METTL8: variants seen among roughly 807,000 people sequenced by gnomAD.
The protein encoded by METTL8 is tRNA N(3)-cytidine methyltransferase METTL8, mitochondrial.
In METTL8, 32 loss-of-function variants were observed where a neutral mutation model predicts 48.7. The ratio of observed to expected loss-of-function variants is 0.66; its 90% CI spans 0.50 to 0.88. The LOEUF is 0.88. Among genes scored for constraint, METTL8 ranks in the 40% least tolerant of loss-of-function variants. METTL8 has a pLI of 0.00. For synonymous variants in METTL8, 136 were observed against 157.1 expected, an observed-to-expected ratio of 0.87 and a Z score of 1.01; for missense variants, 464 against 474.4, an observed-to-expected ratio of 0.98 and a Z score of 0.20.
intron 1 of METTL8, among the ~76,000 whole-genome samples, chr2:171,415,930 T>A (rs1469993185): frequency 6.6e-6 from 1 of 152,060 alleles, no homozygotes; most frequent in Non-Finnish European, 1.5e-5. Context: ...CTGATTAAGG[T>A]GGAGCAAAGA....
intron 1 of METTL8, among the ~76,000 whole-genome samples, chr2:171,414,154 A>G (rs1691037774): frequency 6.6e-6 from 1 of 152,206 alleles, no homozygotes; most frequent in South Asian, 2.1e-4. Flanking sequence ...ACAGTGGCTC[A>G]TCCCTGTAAT....
chr2:171,354,319 G>A (rs1218020708), intron 3 of METTL8, among the ~76,000 whole-genome samples: 1 of 152,134 alleles, frequency 6.6e-6, no homozygotes, highest in Non-Finnish European at 1.5e-5. Context: ...AGTTTCTGCC[G>A]AGAGATCCGC....
intron 2 of METTL8, among the ~76,000 whole-genome samples, chr2:171,383,273 G>A (rs1378732327): frequency 6.6e-6 from 1 of 152,030 alleles, no homozygotes; most frequent in Non-Finnish European, 1.5e-5. Context: ...ATTTAAGTGG[G>A]TTACATAATA....
chr2:171,386,861 C>G (rs920371769), intron 2 of METTL8, among the ~76,000 whole-genome samples: 1 of 152,116 alleles, frequency 6.6e-6, no homozygotes, highest in Non-Finnish European at 1.5e-5. Context: ...CAGGCAGACA[C>G]ACAGGTGGCT....
At chr2:171,369,838 C>A (rs531226216) in intron 2 of METTL8, among the ~76,000 whole-genome samples, 1 of 151,876 alleles carries the variant, frequency 6.6e-6, no homozygotes, top group South Asian at 2.1e-4. Flanking sequence ...GAGGCCAAGG[C>A]GGGCGGATCA....
intron 3 of METTL8, 55 bp downstream of exon 3, chr2:171,360,367 G>T: frequency 6.9e-7 from 1 of 1,449,982 alleles, no homozygotes; most frequent in Non-Finnish European, 9.6e-7. Flanking sequence ...GACACGAGGA[G>T]GAGGAAAAGT....
intron 3 of METTL8, among the ~76,000 whole-genome samples, chr2:171,358,647 A>AT (rs1684840829): frequency 1.3e-5 from 2 of 152,208 alleles, no homozygotes; most frequent in Non-Finnish European, 2.9e-5. Flanking sequence ...TACTATATAT[A>AT]AAAATCAAAT....
intron 1 of METTL8, among the ~76,000 whole-genome samples, chr2:171,418,361 C>T (rs1352728890): frequency 6.6e-6 from 1 of 152,170 alleles, no homozygotes; most frequent in Non-Finnish European, 1.5e-5. Context: ...TTTCTCCCCA[C>T]TGTTAAGGTA....
intron 2 of METTL8, among the ~76,000 whole-genome samples, chr2:171,366,340 C>T (rs924161653): frequency 1.3e-5 from 2 of 152,126 alleles, no homozygotes; most frequent in Non-Finnish European, 2.9e-5. Context: ...TCAAAATAGT[C>T]CCACCCAAAC....
rs182802972 is a variant in METTL8, at chr2:171,328,732, C to A, written c.860+1827G>T. ...TTTGAGACGGAGTCTCTGTCTTGCC[C>A]AGGCTGGAGTGCAGTGGCATGATCT... On this transcript the variant is annotated intron_variant, in intron 7 of 9. Transcript: ENST00000375258. Among the ~76,000 whole-genome samples, 7 of 152,276 alleles carry A rather than the reference C, an allele frequency of 4.6e-5. No individual in the cohort carries two copies. The East Asian group carries it at 5.8e-4, about 13-fold the overall frequency.
intron 2 of METTL8, among the ~76,000 whole-genome samples, chr2:171,386,158 C>G (rs1211354616): frequency 6.6e-6 from 1 of 152,136 alleles, no homozygotes; most frequent in East Asian, 1.9e-4. Flanking sequence ...GGCAAGAGAG[C>G]AGGTGGTAGC....
Position 171,322,981 on chromosome 2 carries a change from A to T in METTL8, c.*1191T>A, listed in dbSNP as rs1684607159. On this transcript the variant is annotated 3_prime_UTR_variant, in exon 10 of 10. Coordinates refer to ENST00000375258, the MANE Select transcript of METTL8 (RefSeq NM_001321154.2). ...GTAGCAGTGAGGACAGCCAGAGGAC[A>T]CTCTCATTGCCATCTTGGTTTTGGT... is the stretch of plus-strand genomic sequence containing the variant. The T allele has an allele frequency of 6.6e-6, 1 of 151,894 alleles. No homozygotes were observed. The highest frequency in any genetic ancestry group is 2.4e-5 in the African/African-American group (1 of 41,344). The allele number at this position is 151,894 out of a possible 1,614,324, so 9.4% of individuals were successfully genotyped here.
chr2:171,428,598 T>C (rs1006661426), intron 1 of METTL8, among the ~76,000 whole-genome samples: 17 of 152,218 alleles, frequency 1.1e-4, no homozygotes, highest in African/African-American at 4.1e-4. Flanking sequence ...AACCACATTT[T>C]AGGTAGTGTA....
At chr2:171,413,977 T>C (rs1026389863) in intron 1 of METTL8, among the ~76,000 whole-genome samples, 2 of 152,148 alleles carry the variant, frequency 1.3e-5, no homozygotes, top group African/African-American at 4.8e-5. Flanking sequence ...AAATATATCC[T>C]ATGGATATAA....
At chr2:171,424,209 G>T (rs113522809) in intron 1 of METTL8, among the ~76,000 whole-genome samples, 66 of 152,348 alleles carry the variant, frequency 4.3e-4, no homozygotes, top group African/African-American at 1.6e-3. Context: ...TGTCCAAGCA[G>T]AAGTTTGCTG....
Position 171,323,350 on chromosome 2 carries a change from C to T in METTL8, c.*822G>A. On this transcript the variant is annotated 3_prime_UTR_variant, in exon 10 of 10. Transcript: ENST00000375258. ...CGAGGCTCAAGCGATCCTCCCACCT[C>T]AGTCTCCTGAGTAGCTGGGACCACA... 6.6e-6 allele frequency: 1 copy of T among 150,872 alleles called. No individual in the cohort carries two copies. The highest frequency in any genetic ancestry group is 1.5e-5 in the Non-Finnish European group (1 of 68,176). 9.3% of individuals were successfully genotyped at this position (150,872 alleles called of 1,614,324 possible).
chr2:171,337,124 C>T (rs1686207506), intron 5 of METTL8, among the ~76,000 whole-genome samples: 1 of 152,120 alleles, frequency 6.6e-6, no homozygotes. Flanking sequence ...GCCTCAGCCA[C>T]CCAAAGTGCT....
At chr2:171,398,973 T>A (rs1689384656) in intron 1 of METTL8, among the ~76,000 whole-genome samples, 1 of 152,200 alleles carries the variant, frequency 6.6e-6, no homozygotes, top group South Asian at 2.1e-4. Context: ...TTCAGTTTTT[T>A]AAAATTTACT....
intron 2 of METTL8, among the ~76,000 whole-genome samples, chr2:171,375,830 T>C (rs1303909074): frequency 1.3e-5 from 2 of 152,232 alleles, no homozygotes; most frequent in Non-Finnish European, 2.9e-5. Context: ...TGATTCTGTT[T>C]ATACAAAATA....
Sources: allele counts gnomAD v4.1 joint callset (sites outside exome capture counted in the v4.1 genomes callset), GRCh38; gene constraint gnomAD v4.1.1; transcripts MANE v1.5; gene names NCBI Gene and HGNC (gene_info 2026-07-23, HGNC 2026-07-21).